GALNTL6: variants seen among roughly 807,000 people sequenced by gnomAD.
GALNTL6 encodes polypeptide N-acetylgalactosaminyltransferase like 6.
GALNTL6 carries 46 observed loss-of-function variants against 73.7 expected under a neutral mutation model. That is an observed-to-expected ratio of 0.62 (90% CI 0.49 to 0.80). GALNTL6 has a LOEUF of 0.80. Ranked by LOEUF, GALNTL6 falls within the 30% of genes least tolerant of loss-of-function variation. GALNTL6 has a pLI of 0.00. For missense variants in GALNTL6, 604 were observed against 755.0 expected, an observed-to-expected ratio of 0.80 and a Z score of 2.34; for synonymous variants, 259 against 263.7, an observed-to-expected ratio of 0.98 and a Z score of 0.17.
intron 2 of GALNTL6, among the ~76,000 whole-genome samples, chr4:171,991,722 GTGTGTGTGTA>G (rs1426714709): frequency 1.2e-4 from 3 of 25,176 alleles, no homozygotes; most frequent in African/African-American, 3.6e-4. Flanking sequence ...ATGTGTGTGT[GTGTGTGTGTA>G]TATATATATA....
intron 5 of GALNTL6, among the ~76,000 whole-genome samples, chr4:172,481,386 A>AGCACCAGCAAGACGTATTGC (rs1561103616): frequency 1.6e-5 from 2 of 122,802 alleles, no homozygotes; most frequent in East Asian, 6.3e-4. Context: ...TGCAAAGAGC[A>AGCACCAGCAAGACGTATTGC]AAAGAGCAAA....
intron 2 of GALNTL6, among the ~76,000 whole-genome samples, chr4:172,198,914 C>G (rs1168349739): frequency 6.6e-6 from 1 of 152,144 alleles, no homozygotes; most frequent in African/African-American, 2.4e-5. Flanking sequence ...CTTCACTTCT[C>G]TCTAATGATA....
At chr4:171,853,182 G>C (rs79440351) in intron 2 of GALNTL6, among the ~76,000 whole-genome samples, 4,603 of 151,934 alleles carry the variant, frequency 0.03, 206 homozygotes, top group East Asian at 0.11. Flanking sequence ...AGGTTAAAGG[G>C]TACTCTTCTC....
At chr4:172,375,027 G>A (rs1742976682) in intron 5 of GALNTL6, among the ~76,000 whole-genome samples, 1 of 152,158 alleles carries the variant, frequency 6.6e-6, no homozygotes, top group African/African-American at 2.4e-5. Context: ...CGATAGCCTG[G>A]GGGGTTAGTG....
At chr4:172,668,052 T>G (rs1345097981) in intron 5 of GALNTL6, 1 of 152,184 alleles carries the variant, frequency 6.6e-6, no homozygotes, top group Non-Finnish European at 1.5e-5. Context: ...TAATGTGTCT[T>G]TGGTCAATAA....
At chr4:172,859,738 G>T (rs1179943986) in intron 7 of GALNTL6, among the ~76,000 whole-genome samples, 1 of 152,120 alleles carries the variant, frequency 6.6e-6, no homozygotes, top group Non-Finnish European at 1.5e-5. Context: ...ACTCCCCATT[G>T]CTTGCATTAC....
intron 3 of GALNTL6, among the ~76,000 whole-genome samples, chr4:172,269,736 C>G (rs1738572217): frequency 6.6e-6 from 1 of 151,968 alleles, no homozygotes; most frequent in Admixed American, 6.6e-5. Flanking sequence ...CTCTCTCTCT[C>G]TCTCTTTAAT....
intron 4 of GALNTL6, among the ~76,000 whole-genome samples, chr4:172,314,643 T>C (rs1023686178): frequency 3.8e-5 from 5 of 130,656 alleles, no homozygotes; most frequent in African/African-American, 1.4e-4. Flanking sequence ...AGTCTCCCTC[T>C]GTAGCCCAGG....
intron 5 of GALNTL6, among the ~76,000 whole-genome samples, chr4:172,527,675 A>T (rs1249601104): frequency 1.3e-5 from 2 of 152,198 alleles, no homozygotes; most frequent in Non-Finnish European, 2.9e-5. Context: ...TTAGTCTTGG[A>T]CACATAAGAT....
chr4:172,755,119 GTCATTT>G (rs1405132288), intron 5 of GALNTL6, among the ~76,000 whole-genome samples: 2 of 152,016 alleles, frequency 1.3e-5, no homozygotes, highest in African/African-American at 2.4e-5. Context: ...CAGTACACTG[GTCATTT>G]GCAGATTCTA....
intron 2 of GALNTL6, among the ~76,000 whole-genome samples, chr4:171,911,160 T>A (rs570849694): frequency 3.3e-5 from 5 of 152,164 alleles, no homozygotes; most frequent in African/African-American, 9.6e-5. Context: ...TTTTTAAAAA[T>A]TTATTTTCTT....
chr4:172,317,600 ATTTC>A (rs1469090114), intron 4 of GALNTL6, among the ~76,000 whole-genome samples: 2 of 152,186 alleles, frequency 1.3e-5, no homozygotes, highest in African/African-American at 2.4e-5. Flanking sequence ...TATGTATTCA[ATTTC>A]TTTCAGATAA....
At chr4:172,358,935 G>A (rs547470474) in intron 5 of GALNTL6, among the ~76,000 whole-genome samples, 2 of 150,568 alleles carry the variant, frequency 1.3e-5, no homozygotes, top group African/African-American at 2.4e-5. Context: ...TATTGGTAGG[G>A]GTGTAAATTA....
At chr4:173,030,727 C>A (rs552248279) in intron 12 of GALNTL6, among the ~76,000 whole-genome samples, 9 of 152,042 alleles carry the variant, frequency 5.9e-5, no homozygotes, top group Non-Finnish European at 1.3e-4. Flanking sequence ...TACGTTTCAT[C>A]CCTAATCCTA....
At chr4:171,907,919 T>C (rs1737346359) in intron 2 of GALNTL6, among the ~76,000 whole-genome samples, 1 of 151,962 alleles carries the variant, frequency 6.6e-6, no homozygotes, top group South Asian at 2.1e-4. Flanking sequence ...TAATAAATGG[T>C]GCTGGGAAAA....
intron 5 of GALNTL6, among the ~76,000 whole-genome samples, chr4:172,484,232 C>G (rs1428386633): frequency 6.6e-6 from 1 of 152,146 alleles, no homozygotes; most frequent in African/African-American, 2.4e-5. Flanking sequence ...TCATAATAGT[C>G]TGTATTAGAT....
At chr4:173,013,164 T>C (rs1752628594) in intron 11 of GALNTL6, among the ~76,000 whole-genome samples, 1 of 152,202 alleles carries the variant, frequency 6.6e-6, no homozygotes, top group Non-Finnish European at 1.5e-5. Flanking sequence ...TGAGGAATGG[T>C]GTTGGACTGT....
At chr4:172,819,293 A>G (rs140930193) in intron 7 of GALNTL6, among the ~76,000 whole-genome samples, 6 of 152,260 alleles carry the variant, frequency 3.9e-5, no homozygotes, top group African/African-American at 1.2e-4. Flanking sequence ...TCTTTCTTGT[A>G]TAAGAATGTG....
chr4:172,899,305 C>A (rs988768079), intron 8 of GALNTL6, among the ~76,000 whole-genome samples: 1 of 152,182 alleles, frequency 6.6e-6, no homozygotes, highest in Non-Finnish European at 1.5e-5. Flanking sequence ...GGCTTCAGAA[C>A]ATCTAGAAAT....
Sources: allele counts gnomAD v4.1 joint callset (sites outside exome capture counted in the v4.1 genomes callset), GRCh38; gene constraint gnomAD v4.1.1; transcripts MANE v1.5; gene names NCBI Gene and HGNC (gene_info 2026-07-23, HGNC 2026-07-21).